Variants in PUS7 observed in about 807,000 individuals in gnomAD.
PUS7 encodes pseudouridine synthase 7.
A neutral mutation model predicts 79.8 loss-of-function variants in PUS7; 48 were observed. The observed-to-expected ratio is 0.60, with a 90% CI of 0.48 to 0.76. PUS7 has a LOEUF of 0.76. PUS7 is among the 30% of genes least tolerant of loss of function. The pLI, the probability that PUS7 is intolerant of heterozygous loss-of-function variation, is 0.00. For synonymous variants in PUS7, 286 were observed against 272.2 expected (o/e 1.05, Z -0.50); for missense variants, 729 against 797.6 (o/e 0.91, Z 1.04).
At chr7:105,461,687 CCCTTGTCAGG>C (rs904849474) in intron 14 of PUS7, among the ~76,000 whole-genome samples, 77 of 152,312 alleles carry the variant, frequency 5.1e-4, no homozygotes, top group African/African-American at 1.8e-3. Context: ...CATGTTCTAA[CCCTTGTCAGG>C]CATTTCATCA....
chr7:105,520,053 A>G (rs73190169), intron 1 of PUS7, among the ~76,000 whole-genome samples: 20,915 of 152,214 alleles, frequency 0.14, 1,868 homozygotes, highest in South Asian at 0.26. Context: ...GCCGGGTGTG[A>G]TGGCACACGC....
At position 105,482,556 on chromosome 7, in the gene PUS7, C is replaced by G. The variant is rs182880200; in HGVS notation, c.921-116G>C. 5.3e-4 allele frequency: 606 copies of G among 1,136,040 alleles called. 4 individuals carry two copies. Among genetic ancestry groups the G allele is most frequent in the Middle Eastern group, 3.7e-3 (12 of 3,230 alleles). The allele number at this position is 1,136,040 out of a possible 1,614,324, so 70.4% of individuals were successfully genotyped here. ...CAAGATACAGCACACCTATGACCCC[C>G]TGAAAGGAAAAGGCACTGCAGCAGG... On this transcript the variant is annotated intron_variant, in intron 7 of 15. Coordinates refer to ENST00000469408, the MANE Select transcript of PUS7 (RefSeq NM_019042.5).
At chr7:105,472,319 T>A in intron 9 of PUS7, 126 bp from the exon 10 acceptor site, 1 of 586,096 alleles carries the variant, frequency 1.7e-6, no homozygotes, top group Non-Finnish European at 3.0e-6. Context: ...CAGGCTCTAC[T>A]CCCAGGCTCT....
intron 9 of PUS7, among the ~76,000 whole-genome samples, chr7:105,476,079 G>A (rs1028672322): frequency 6.9e-6 from 1 of 145,286 alleles, no homozygotes; most frequent in African/African-American, 2.6e-5. Context: ...GGCTGAGATG[G>A]CGCCACTGCA....
chr7:105,464,044 C>T (rs1180121793), intron 13 of PUS7, among the ~76,000 whole-genome samples: 1 of 152,136 alleles, frequency 6.6e-6, no homozygotes, highest in Non-Finnish European at 1.5e-5. Context: ...GTGTTACATA[C>T]CCAGAAACCT....
intron 9 of PUS7, among the ~76,000 whole-genome samples, chr7:105,475,660 C>G (rs1393950468): frequency 6.6e-6 from 1 of 152,116 alleles, no homozygotes; most frequent in African/African-American, 2.4e-5. Context: ...TTTCCTTCTT[C>G]TACCTTCTTT....
intron 5 of PUS7, among the ~76,000 whole-genome samples, chr7:105,498,037 C>G (rs1157675720): frequency 1.3e-5 from 2 of 152,162 alleles, no homozygotes; most frequent in African/African-American, 4.8e-5. Flanking sequence ...GACTCAAAAA[C>G]TAAATGCTGC....
chr7:105,475,237 G>C (rs1053574340), intron 9 of PUS7, among the ~76,000 whole-genome samples: 15 of 152,118 alleles, frequency 9.9e-5, no homozygotes, highest in Non-Finnish European at 1.5e-4. Context: ...CCAGGCTAGA[G>C]TGCAGTGGCA....
chr7:105,516,477 CTT>C (rs1273754683), intron 1 of PUS7, among the ~76,000 whole-genome samples: 1 of 150,400 alleles, frequency 6.6e-6, no homozygotes, highest in African/African-American at 2.4e-5. Context: ...GAGTTTTGCT[CTT>C]GTTGCCCAGG....
At chr7:105,480,560 T>C (rs1158781381) in intron 9 of PUS7, among the ~76,000 whole-genome samples, 2 of 152,152 alleles carry the variant, frequency 1.3e-5, no homozygotes, top group Non-Finnish European at 2.9e-5. Context: ...GGGGATCACC[T>C]GAGGTTGGGA....
rs914693937 is a variant in PUS7, at chr7:105,459,183, G to T, written c.1834C>A (p.Pro612Thr). 24 of 1,608,944 alleles carry T rather than the reference G, an allele frequency of 1.5e-5. No individual in the cohort carries two copies. Among genetic ancestry groups the T allele is most frequent in the Non-Finnish European group, 2.0e-5 (23 of 1,176,844 alleles). The change falls in exon 15 of 16, where the codon CCA becomes ACA. Residue 612 changes from proline (P) to threonine (T), a missense_variant. By Grantham distance (38) the Pro-to-Thr change is conservative. Coordinates refer to ENST00000469408, the MANE Select transcript of PUS7 (RefSeq NM_019042.5). Reference protein sequence around the residue: ...DVDNLEGKTPPVFASEGKYRA... With the variant: ...DVDNLEGKTPTVFASEGKYRA... ...GTAAACTTACCAGAAGCAAAAACTGGTGGTGTCTTCCCTTCTAGGTTGTCC... is the reference window on the plus strand; with the variant it reads ...GTAAACTTACCAGAAGCAAAAACTGTTGGTGTCTTCCCTTCTAGGTTGTCC...
At chr7:105,472,253 C>A in intron 9 of PUS7, 60 bp from the exon 10 acceptor site, 2 of 1,037,364 alleles carry the variant, frequency 1.9e-6, no homozygotes, top group East Asian at 2.5e-5. Context: ...TTTATATGCA[C>A]AAATCTTTGA....
chr7:105,462,504 A>C, intron 14 of PUS7, 117 bp downstream of exon 14: 1 of 1,092,882 alleles, frequency 9.2e-7, no homozygotes, highest in Non-Finnish European at 1.3e-6. Flanking sequence ...ACCATCATAT[A>C]AGCAATCTGT....
intron 11 of PUS7, 180 bp downstream of exon 11, chr7:105,470,508 A>G: frequency 1.9e-6 from 1 of 540,004 alleles, no homozygotes; most frequent in Non-Finnish European, 3.0e-6. Context: ...GCCCGCATCC[A>G]CCCCCAACAT....
At chr7:105,491,303 CAA>C (rs1344166213) in intron 7 of PUS7, among the ~76,000 whole-genome samples, 1 of 151,546 alleles carries the variant, frequency 6.6e-6, no homozygotes, top group Admixed American at 6.6e-5. Context: ...AATGAATGAA[CAA>C]AAGAGAGAAA....
chr7:105,497,693 G>C (rs892898272), intron 5 of PUS7, among the ~76,000 whole-genome samples: 2 of 152,058 alleles, frequency 1.3e-5, no homozygotes, highest in African/African-American at 4.8e-5. Flanking sequence ...AATAGTTTGG[G>C]GTTTCAGTCC....
At chr7:105,481,393 G>C (rs1407923309) in intron 8 of PUS7, among the ~76,000 whole-genome samples, 2 of 152,062 alleles carry the variant, frequency 1.3e-5, no homozygotes, top group African/African-American at 4.8e-5. Flanking sequence ...GCAATTTGGC[G>C]GTATTAACCC....
intron 7 of PUS7, among the ~76,000 whole-genome samples, chr7:105,489,147 C>CAAAAAAAAAAAAAAAAAAAA (rs762504334): frequency 5.9e-5 from 2 of 33,682 alleles, no homozygotes; most frequent in South Asian, 1.3e-3. Flanking sequence ...AACTCCATCT[C>CAAAAAAAAAAAAAAAAAAAA]AAAAAAAAAA....
chr7:105,482,443 T>TA lies in PUS7; in HGVS notation c.921-4_921-3insT. 8.4e-6 allele frequency: 13 copies of TA among 1,553,100 alleles called. No homozygotes were observed. Among genetic ancestry groups the TA allele is most frequent in the East Asian group, 2.3e-5 (1 of 44,386 alleles). ...GGGCAAGTCTTTGTGCAGTTATTCTTTAAAAAAAAAAAAAAAAGCAACAAA... is the reference window on the plus strand; with the variant it reads ...GGGCAAGTCTTTGTGCAGTTATTCTTATAAAAAAAAAAAAAAAAGCAACAAA... On this transcript the variant is annotated splice_region_variant and splice_polypyrimidine_tract_variant and intron_variant, in intron 7 of 15. Transcript: ENST00000469408.
Sources: allele counts gnomAD v4.1 joint callset (sites outside exome capture counted in the v4.1 genomes callset), GRCh38; gene constraint gnomAD v4.1.1; transcripts MANE v1.5; gene names NCBI Gene and HGNC (gene_info 2026-07-23, HGNC 2026-07-21).